Variants in FNTA observed in about 807,000 individuals in gnomAD.
The protein encoded by FNTA is farnesyltransferase, CAAX box, subunit alpha, also known as protein farnesyltransferase/geranylgeranyltransferase type-1 subunit alpha.
In FNTA, 27 loss-of-function variants were observed where a neutral mutation model predicts 55.2. The observed-to-expected ratio is 0.49, with a 90% CI of 0.36 to 0.67. FNTA has a LOEUF of 0.67. Ranked by LOEUF, FNTA falls within the 30% of genes least tolerant of loss-of-function variation. The probability of loss-of-function intolerance (pLI) is 0.00; values close to 1 mark genes in which losing one functional copy is unlikely to be tolerated. For missense variants in FNTA, 422 were observed against 464.7 expected (o/e 0.91, Z 0.85); for synonymous variants, 176 against 170.7 (o/e 1.03, Z -0.24).
chr8:43,064,037 T>C, intron 2 of FNTA, 64 bp from the exon 3 acceptor site: 1 of 944,682 alleles, frequency 1.1e-6, no homozygotes, highest in South Asian at 1.4e-5. Context: ...TATAGTGACA[T>C]TATACATTAT....
chr8:43,056,366 T>C lies in FNTA; in HGVS notation c.20T>C (p.Val7Ala). Reference sequence around the variant, plus strand: ...GGCGAGATGGCGGCCACCGAGGGGGTCGGGGAGGCTGCGCAAGGGGGCGAG... The same window carrying C: ...GGCGAGATGGCGGCCACCGAGGGGGCCGGGGAGGCTGCGCAAGGGGGCGAG... MAATEG[V>A]GEAAQGGEPG... is the part of the protein sequence containing the mutation. Residue 7 changes from valine (V) to alanine (A), a missense_variant, in exon 1 of 9, where the codon GTC becomes GCC. This residue lies in a region of FNTA where 160 missense variants were observed against 121.6 expected (regional missense o/e 1.32). Transcript: ENST00000302279. 8 of 1,437,844 alleles carry C rather than the reference T, an allele frequency of 5.6e-6. No individual in the cohort carries two copies. The highest frequency in any genetic ancestry group is 7.3e-6 in the Non-Finnish European group (8 of 1,098,892). The allele number at this position is 1,437,844 out of a possible 1,614,324, so 89.1% of individuals were successfully genotyped here. A position where few individuals can be genotyped will look rare whatever the true frequency, so the allele number is the denominator to read the frequency against.
intron 5 of FNTA, among the ~76,000 whole-genome samples, chr8:43,074,371 A>C (rs566941856): frequency 6.6e-6 from 1 of 152,314 alleles, no homozygotes; most frequent in South Asian, 2.1e-4. Flanking sequence ...AAAAATACAA[A>C]AAAATGAGAC....
chr8:43,082,957 T>G (rs1264462857), intron 6 of FNTA, 161 bp from the exon 7 acceptor site: 2 of 427,994 alleles, frequency 4.7e-6, no homozygotes, highest in Non-Finnish European at 8.5e-6. Flanking sequence ...GAGGCAGGAG[T>G]ATGACTTGAA....
intron 3 of FNTA, among the ~76,000 whole-genome samples, chr8:43,064,777 C>A (rs966931459): frequency 6.6e-6 from 1 of 151,706 alleles, no homozygotes; most frequent in African/African-American, 2.4e-5. Context: ...CCTCCATATT[C>A]TAGATAATTT....
At chr8:43,067,271 C>G (rs1810681898) in intron 3 of FNTA, among the ~76,000 whole-genome samples, 1 of 152,168 alleles carries the variant, frequency 6.6e-6, no homozygotes, top group African/African-American at 2.4e-5. Flanking sequence ...GGAAATACGT[C>G]ATACCTCTGA....
rs1449674139 is a variant in FNTA, at chr8:43,085,464, G to GTGA, written c.*184_*186dup. 5.2e-6 allele frequency: 3 copies of GTGA among 572,784 alleles called. No individual in the cohort carries two copies. Among genetic ancestry groups the GTGA allele is most frequent in the African/African-American group, 2.0e-5 (1 of 50,486 alleles). The allele number at this position is 572,784 out of a possible 1,614,324, so 35.5% of individuals were successfully genotyped here. ...GCTACTCAGACTAGCTCTAAGTAAT[G>GTGA]TGATTCTTCTAAAGCAAAGTCATTG... On this transcript the variant is annotated 3_prime_UTR_variant, in exon 9 of 9. Coordinates refer to ENST00000302279, the MANE Select transcript of FNTA (RefSeq NM_002027.3).
chr8:43,056,413 C>A lies in FNTA; in HGVS notation c.67C>A (p.Pro23Thr). The A allele has an allele frequency of 6.6e-7, 1 of 1,521,094 alleles. No homozygotes were observed. Among genetic ancestry groups the A allele is most frequent in the Non-Finnish European group, 8.8e-7 (1 of 1,137,320 alleles). The allele number at this position is 1,521,094 out of a possible 1,614,324, so 94.2% of individuals were successfully genotyped here. ...GGEPGQPAQP[P>T]PQPHPPPPQQ... Reference sequence around the variant, plus strand: ...CGAGCCCGGGCAGCCGGCGCAACCCCCGCCCCAGCCGCACCCACCGCCGCC... The same window carrying A: ...CGAGCCCGGGCAGCCGGCGCAACCCACGCCCCAGCCGCACCCACCGCCGCC... Residue 23 changes from proline to threonine, a missense_variant, in exon 1 of 9, where the codon CCG (proline) becomes ACG (threonine). Physicochemically the swap from Pro to Thr is conservative, Grantham distance 38 (BLOSUM62 -1). Around this residue, in one of 2 missense-constraint regions of FNTA, gnomAD observed 160 missense variants for 121.6 expected, o/e 1.32. Coordinates refer to ENST00000302279, the MANE Select transcript of FNTA (RefSeq NM_002027.3).
At position 43,062,253 on chromosome 8, in the gene FNTA, A is replaced by AT. The variant is rs531803755; in HGVS notation, c.287-1844dup. On this transcript the variant is annotated intron_variant, in intron 2 of 8. Transcript: ENST00000302279. ...TTGTATACATATTTAATATGTTACC[A>AT]TTTTGTTTTAAATTTGAAATTATTT... Among the ~76,000 whole-genome samples, 366 of 150,298 alleles carry AT rather than the reference A, an allele frequency of 2.4e-3. 2 individuals are homozygous for AT. The highest frequency in any genetic ancestry group is 0.01 in the Middle Eastern group (3 of 286).
chr8:43,063,038 C>T (rs1019888940), intron 2 of FNTA, among the ~76,000 whole-genome samples: 19 of 151,994 alleles, frequency 1.3e-4, no homozygotes, highest in Non-Finnish European at 2.9e-5. Context: ...CTGCCTCAGC[C>T]TCCCGAGTAG....
At chr8:43,081,229 C>T (rs1811020519) in intron 6 of FNTA, 1 of 152,002 alleles carries the variant, frequency 6.6e-6, no homozygotes, top group South Asian at 2.1e-4. Flanking sequence ...TCCCATTTTC[C>T]AGAGTGAGCT....
intron 3 of FNTA, 142 bp from the exon 4 acceptor site, chr8:43,069,413 C>T: frequency 1.7e-6 from 1 of 600,032 alleles, no homozygotes; most frequent in Non-Finnish European, 3.0e-6. Flanking sequence ...AGCCACCGTG[C>T]TTGGCCTATA....
intron 3 of FNTA, among the ~76,000 whole-genome samples, chr8:43,066,005 T>C (rs576971864): frequency 6.6e-6 from 1 of 151,356 alleles, no homozygotes; most frequent in Non-Finnish European, 1.5e-5. Context: ...TTTAAAACTT[T>C]TCTTTTTCTC....
intron 5 of FNTA, chr8:43,073,407 A>G (rs931271542): frequency 7.2e-5 from 11 of 152,192 alleles, no homozygotes; most frequent in African/African-American, 2.4e-4. Context: ...GGATTCCAGA[A>G]TATCCCTTAA....
chr8:43,084,967 C>T, intron 8 of FNTA, 86 bp downstream of exon 8: 2 of 1,367,342 alleles, frequency 1.5e-6, no homozygotes, highest in South Asian at 1.2e-5. Flanking sequence ...CCCCTTTCAA[C>T]ATCGTTCCTC....
At chr8:43,083,876 C>T (rs1811071994) in intron 7 of FNTA, among the ~76,000 whole-genome samples, 1 of 152,128 alleles carries the variant, frequency 6.6e-6, no homozygotes. Context: ...AGGTCGAGAC[C>T]AGCCTGGCCA....
At position 43,057,122 on chromosome 8, in the gene FNTA, T is replaced by C. The variant is rs1213331636; in HGVS notation, c.200+576T>C. The stretch of plus-strand genomic sequence containing the variant: ...CTACTGAACCTCTCTTAAGTCTCCC[T>C]GCATCGCCTCGTACATAATACAAGT... On this transcript the variant is annotated intron_variant, in intron 1 of 8. Transcript: ENST00000302279. The C allele has an allele frequency of 2.0e-5, 3 of 152,354 alleles. No individual in the cohort carries two copies. The East Asian group carries it at 5.8e-4, about 29-fold the overall frequency. The allele number at this position is 152,354 out of a possible 1,614,324, so 9.4% of individuals were successfully genotyped here.
intron 2 of FNTA, among the ~76,000 whole-genome samples, chr8:43,060,770 A>G (rs1300208927): frequency 6.6e-6 from 1 of 152,196 alleles, no homozygotes; most frequent in African/African-American, 2.4e-5. Flanking sequence ...TCAACCGTTT[A>G]TAGACAAATA....
In FNTA at chr8:43,071,234, T is replaced by G. The variant is rs557602430; in HGVS notation, c.507-947T>G. 8.2e-4 allele frequency among the ~76,000 whole-genome samples: 125 copies of G among 152,300 alleles called. 1 individual carries two copies. The South Asian group carries it at 0.011, about 13-fold the overall frequency. On this transcript the variant is annotated intron_variant, in intron 4 of 8. Coordinates refer to ENST00000302279, the MANE Select transcript of FNTA (RefSeq NM_002027.3). ...CCCATTCAAAGTATATAATTCAGTGTTTTTTAGTATATATACAGATCTGTA... is the reference window on the plus strand; with the variant it reads ...CCCATTCAAAGTATATAATTCAGTGGTTTTTAGTATATATACAGATCTGTA...
chr8:43,082,076 CTG>C (rs1457714949), intron 6 of FNTA: 1 of 151,760 alleles, frequency 6.6e-6, no homozygotes, highest in African/African-American at 2.4e-5. Flanking sequence ...TATTATTACT[CTG>C]TGGAAAAAAA....
Sources: allele counts gnomAD v4.1 joint callset (sites outside exome capture counted in the v4.1 genomes callset), GRCh38; gene constraint gnomAD v4.1.1; regional missense constraint gnomAD v4.1.1; transcripts MANE v1.5; gene names NCBI Gene and HGNC (gene_info 2026-07-23, HGNC 2026-07-21).